Variants in IL1RAP observed in about 807,000 individuals in gnomAD.
The protein encoded by IL1RAP is interleukin 1 receptor accessory protein.
A neutral mutation model predicts 60.7 loss-of-function variants in IL1RAP; 35 were observed. The observed-to-expected ratio is 0.58, with a 90% CI of 0.44 to 0.76. IL1RAP has a LOEUF of 0.76. Among genes scored for constraint, IL1RAP ranks in the 30% least tolerant of loss-of-function variants. The probability of loss-of-function intolerance (pLI) is 0.00; values close to 1 mark genes in which losing one functional copy is unlikely to be tolerated. For synonymous variants in IL1RAP, 268 were observed against 250.9 expected, an observed-to-expected ratio of 1.07 and a Z score of -0.64; for missense variants, 572 against 693.9, an observed-to-expected ratio of 0.82 and a Z score of 1.97.
At chr3:190,583,319 AT>A (rs1341709445) in intron 3 of IL1RAP, among the ~76,000 whole-genome samples, 1 of 152,240 alleles carries the variant, frequency 6.6e-6, no homozygotes, top group African/African-American at 2.4e-5. Context: ...ATGAAAGGAT[AT>A]AATAAATAGG....
chr3:190,654,179 G>A (rs1734523577), downstream of IL1RAP, among the ~76,000 whole-genome samples: 1 of 123,964 alleles, frequency 8.1e-6, no homozygotes. Context: ...GTTTTGAAGT[G>A]AAACATCATA....
chr3:190,615,525 G>A (rs1731192015), intron 5 of IL1RAP, among the ~76,000 whole-genome samples: 1 of 152,084 alleles, frequency 6.6e-6, no homozygotes, highest in South Asian at 2.1e-4. Context: ...TTCTCACCGA[G>A]GATCAAAAGA....
chr3:190,634,940 C>T (rs1016436877), intron 9 of IL1RAP, among the ~76,000 whole-genome samples: 7 of 152,134 alleles, frequency 4.6e-5, no homozygotes, highest in African/African-American at 7.2e-5. Flanking sequence ...TGGTCTCGAT[C>T]TCCTGACCTT....
intron 2 of IL1RAP, among the ~76,000 whole-genome samples, chr3:190,562,011 G>T (rs1284901599): frequency 6.6e-6 from 1 of 152,110 alleles, no homozygotes; most frequent in Non-Finnish European, 1.5e-5. Context: ...CCAAGCCTTT[G>T]GCCTGTTATT....
At chr3:190,631,345 G>A (rs113228747) in intron 9 of IL1RAP, among the ~76,000 whole-genome samples, 4 of 152,128 alleles carry the variant, frequency 2.6e-5, no homozygotes, top group African/African-American at 9.7e-5. Flanking sequence ...CTCCCAGAGC[G>A]ACCAGAGTAG....
chr3:190,635,915 TGAA>T (rs1269230786), intron 9 of IL1RAP, among the ~76,000 whole-genome samples: 1 of 152,206 alleles, frequency 6.6e-6, no homozygotes. Context: ...GCTGTGTATA[TGAA>T]CTAGTACAAG....
In IL1RAP at chr3:190,567,845, T is replaced by C. The variant is rs886549954; in HGVS notation, c.64+3492T>C. 3.9e-5 allele frequency among the ~76,000 whole-genome samples: 6 copies of C among 152,328 alleles called. 1 individual carries two copies. The highest frequency in any genetic ancestry group is 1.5e-5 in the Non-Finnish European group (1 of 68,034). ...TTTTTTTGCTTATTATAGTATTAAA[T>C]ATTTTCACTAATAAACTCGAAGAAG... On this transcript the variant is annotated intron_variant, in intron 3 of 11. Coordinates refer to ENST00000447382, the MANE Select transcript of IL1RAP (RefSeq NM_002182.4).
chr3:190,620,528 A>G, intron 6 of IL1RAP, 88 bp downstream of exon 6: 1 of 1,140,318 alleles, frequency 8.8e-7, no homozygotes. Flanking sequence ...TAGTATGTAA[A>G]TTGTATAAGA....
At chr3:190,625,902 C>G (rs1487076400) in intron 7 of IL1RAP, among the ~76,000 whole-genome samples, 1 of 152,166 alleles carries the variant, frequency 6.6e-6, no homozygotes, top group Admixed American at 6.5e-5. Flanking sequence ...AATCCGTGTT[C>G]CCTTTATCTT....
At chr3:190,533,589 C>T (rs1005649525) in intron 1 of IL1RAP, among the ~76,000 whole-genome samples, 3 of 152,120 alleles carry the variant, frequency 2.0e-5, no homozygotes, top group Admixed American at 6.5e-5. Context: ...GGCAGCACTC[C>T]GTGTCAGAAT....
At chr3:190,602,214 A>T (rs1729925239) in intron 3 of IL1RAP, among the ~76,000 whole-genome samples, 1 of 152,204 alleles carries the variant, frequency 6.6e-6, no homozygotes. Context: ...AATTTAAAGA[A>T]TTGAGTGACC....
rs541813745 is a variant in IL1RAP at position 190,543,864 on chromosome 3, C to A, written c.-88-12266C>A. On this transcript the variant is annotated intron_variant, in intron 1 of 11. Transcript: ENST00000447382. Reference sequence around the variant, plus strand: ...GTAGCACTAGGATATGATGTGTGAGCAAATTGCTTTGGGCTTTGTCATCAG... The same window carrying A: ...GTAGCACTAGGATATGATGTGTGAGAAAATTGCTTTGGGCTTTGTCATCAG... Among the ~76,000 whole-genome samples the A allele has an allele frequency of 5.9e-5, 9 of 152,270 alleles. No individual in the cohort carries two copies. The East Asian group carries it at 1.7e-3, about 29-fold the overall frequency.
At chr3:190,538,815 CAAGT>C (rs978260407) in intron 1 of IL1RAP, among the ~76,000 whole-genome samples, 1 of 152,062 alleles carries the variant, frequency 6.6e-6, no homozygotes, top group African/African-American at 2.4e-5. Context: ...CTTGTGATAG[CAAGT>C]GAGTTCTCAC....
chr3:190,577,346 A>G (rs1727582063), intron 3 of IL1RAP, among the ~76,000 whole-genome samples: 1 of 152,162 alleles, frequency 6.6e-6, no homozygotes, highest in African/African-American at 2.4e-5. Flanking sequence ...GTAAGAACCA[A>G]CTATTCAATT....
intron 7 of IL1RAP, chr3:190,624,465 AC>A (rs1228539369): frequency 6.6e-6 from 1 of 151,866 alleles, no homozygotes; most frequent in East Asian, 1.9e-4. Flanking sequence ...TTTTTATATG[AC>A]CTCCCAACTG....
intron 3 of IL1RAP, among the ~76,000 whole-genome samples, chr3:190,583,058 C>T (rs981997571): frequency 6.6e-6 from 1 of 152,200 alleles, no homozygotes; most frequent in Non-Finnish European, 1.5e-5. Flanking sequence ...CCCTAATCAG[C>T]GACCTCTCAG....
chr3:190,537,252 A>G (rs1723544495), intron 1 of IL1RAP, among the ~76,000 whole-genome samples: 1 of 152,128 alleles, frequency 6.6e-6, no homozygotes, highest in African/African-American at 2.4e-5. Flanking sequence ...GCAGGGAGGC[A>G]GTGAACTTGC....
At chr3:190,609,674 C>T (rs948248715) in intron 5 of IL1RAP, among the ~76,000 whole-genome samples, 1 of 152,122 alleles carries the variant, frequency 6.6e-6, no homozygotes, top group Non-Finnish European at 1.5e-5. Context: ...TGGAAGGTAG[C>T]GCTTGTAGCA....
chr3:190,656,455 G>A (rs1400677634), downstream of IL1RAP: 5 of 1,537,252 alleles, frequency 3.3e-6, no homozygotes, highest in South Asian at 5.9e-5. Flanking sequence ...GCCCCAGTGG[G>A]AGACACACCT....
Sources: allele counts gnomAD v4.1 joint callset (sites outside exome capture counted in the v4.1 genomes callset), GRCh38; gene constraint gnomAD v4.1.1; transcripts MANE v1.5; gene names NCBI Gene and HGNC (gene_info 2026-07-23, HGNC 2026-07-21).